PACRGL: variants seen among roughly 807,000 people sequenced by gnomAD.
The protein encoded by PACRGL is parkin coregulated like, also known as PACRG-like protein.
Under a neutral mutation model 34.5 loss-of-function variants are expected in PACRGL, and 38 were observed. The observed-to-expected ratio is 1.10, with a 90% CI of 0.85 to 1.44. The LOEUF (loss-of-function observed/expected upper bound fraction) is 1.44, where lower values mean the gene tolerates loss of function less well. Ranked by LOEUF, PACRGL falls within the 40% of genes most tolerant of loss-of-function variation. PACRGL has a pLI of 0.00. For synonymous variants in PACRGL, 128 were observed against 100.1 expected (o/e 1.28, Z -1.66); for missense variants, 305 against 281.4 (o/e 1.08, Z -0.60).
chr4:20,698,145 C>G (rs1731316418), upstream of PACRGL, among the ~76,000 whole-genome samples: 1 of 152,072 alleles, frequency 6.6e-6, no homozygotes, highest in African/African-American at 2.4e-5. Context: ...AACCAGAGGG[C>G]ACTGGAGCCT....
At chr4:20,740,368 A>G (rs934254682) in intron 8 of PACRGL, among the ~76,000 whole-genome samples, 2 of 152,194 alleles carry the variant, frequency 1.3e-5, no homozygotes, top group African/African-American at 4.8e-5. Context: ...CCATCAGACT[A>G]ACAGCGGAAC....
At position 20,728,441 on chromosome 4, in the gene PACRGL, T is replaced by TAATAGAAGC. The variant is rs1434885960; in HGVS notation, c.*1104_*1112dup. The TAATAGAAGC allele has an allele frequency of 2.0e-5, 3 of 152,214 alleles. No homozygotes were observed. The highest frequency in any genetic ancestry group is 4.4e-5 in the Non-Finnish European group (3 of 68,042). 9.4% of individuals were successfully genotyped at this position (152,214 alleles called of 1,614,324 possible). A position where few individuals can be genotyped will look rare whatever the true frequency, so the allele number is the denominator to read the frequency against. On this transcript the variant is annotated 3_prime_UTR_variant, in exon 9 of 9. Transcript: ENST00000503585. ...ATAGACATAGTTCAGAATTTTGATG[T>TAATAGAAGC]AATAGAAGCAATTCCCTCTGGCTAC...
intron 7 of PACRGL, among the ~76,000 whole-genome samples, chr4:20,722,831 G>T (rs1216838733): frequency 1.3e-5 from 2 of 152,154 alleles, no homozygotes; most frequent in African/African-American, 4.8e-5. Context: ...GTTCTATACC[G>T]CATACTGATA....
upstream of PACRGL, chr4:20,700,417 C>A (rs1260484510): frequency 6.6e-6 from 1 of 152,162 alleles, no homozygotes; most frequent in Non-Finnish European, 1.5e-5. Flanking sequence ...GACGTCATTG[C>A]GCGGCGCGAC....
chr4:20,715,800 G>C lies in PACRGL; in HGVS notation c.609+2261G>C, dbSNP rs367946722. Reference sequence around the variant, plus strand: ...GAATTGCTTGAACCTTGGAGGTGGAGGTTGTAGTGGGACAAGATTGTGACA... The same window carrying C: ...GAATTGCTTGAACCTTGGAGGTGGACGTTGTAGTGGGACAAGATTGTGACA... On this transcript the variant is annotated intron_variant, in intron 7 of 8. Transcript: ENST00000503585. Among the ~76,000 whole-genome samples, 10 of 152,246 alleles carry C rather than the reference G, an allele frequency of 6.6e-5. No homozygotes were observed. In the East Asian group the frequency reaches 9.7e-4, roughly 15 times the overall value.
Position 20,728,102 on chromosome 4 carries a change from T to TAATA in PACRGL, c.*762_*765dup, listed in dbSNP as rs1361214695. 1.3e-5 allele frequency: 2 copies of TAATA among 152,200 alleles called. No homozygotes were observed. Among genetic ancestry groups the TAATA allele is most frequent in the Non-Finnish European group, 2.9e-5 (2 of 68,042 alleles). The allele number at this position is 152,200 out of a possible 1,614,324, so 9.4% of individuals were successfully genotyped here. A position where few individuals can be genotyped will look rare whatever the true frequency, so the allele number is the denominator to read the frequency against. On this transcript the variant is annotated 3_prime_UTR_variant, in exon 9 of 9. Coordinates refer to ENST00000503585, the MANE Select transcript of PACRGL (RefSeq NM_001258345.3). ...ATGCCTGGCCCCATGAATACACTAC[T>TAATA]AATATTATTTGTAAATATGTATTTT...
chr4:20,701,133 CTGGAT>C (rs942580368), intron 1 of PACRGL, among the ~76,000 whole-genome samples: 21 of 152,116 alleles, frequency 1.4e-4, no homozygotes, highest in Non-Finnish European at 2.8e-4. Flanking sequence ...CTTTCTAGAC[CTGGAT>C]TAGAAAGCAG....
In PACRGL at chr4:20,728,323, A is replaced by ATT. The variant is rs765980870; in HGVS notation, c.*983_*984dup. The ATT allele has an allele frequency of 2.6e-5, 4 of 152,208 alleles. No homozygotes were observed. Among genetic ancestry groups the ATT allele is most frequent in the Non-Finnish European group, 5.9e-5 (4 of 68,046 alleles). The allele number at this position is 152,208 out of a possible 1,614,324, so 9.4% of individuals were successfully genotyped here. A position where few individuals can be genotyped will look rare whatever the true frequency, so the allele number is the denominator to read the frequency against. Reference sequence around the variant, plus strand: ...AAAATACTGATGTTCACTTAAAGATATTCAGCAATTAAAATGTTAAAACTT... The same window carrying ATT: ...AAAATACTGATGTTCACTTAAAGATATTTTCAGCAATTAAAATGTTAAAACTT... On this transcript the variant is annotated 3_prime_UTR_variant, in exon 9 of 9. Coordinates refer to ENST00000503585, the MANE Select transcript of PACRGL (RefSeq NM_001258345.3).
intron 7 of PACRGL, among the ~76,000 whole-genome samples, chr4:20,721,711 C>T (rs895624446): frequency 5.3e-5 from 8 of 152,134 alleles, no homozygotes; most frequent in Admixed American, 1.3e-4. Flanking sequence ...GGTACTCGGC[C>T]GTGTGAGGTG....
At chr4:20,708,611 C>T (rs1416206965) in intron 4 of PACRGL, among the ~76,000 whole-genome samples, 1 of 152,070 alleles carries the variant, frequency 6.6e-6, no homozygotes, top group Non-Finnish European at 1.5e-5. Flanking sequence ...TACTCCCCAC[C>T]CCTCCAAAAC....
At chr4:20,716,393 C>T (rs1402855069) in intron 7 of PACRGL, 1 of 572,504 alleles carries the variant, frequency 1.7e-6, no homozygotes, top group African/African-American at 1.9e-5. Context: ...TACATGTGCA[C>T]AACGTGCAGG....
At chr4:20,746,297 TCA>T (rs915883517) in intron 8 of PACRGL, among the ~76,000 whole-genome samples, 1 of 151,718 alleles carries the variant, frequency 6.6e-6, no homozygotes, top group African/African-American at 2.4e-5. Flanking sequence ...TTGCATGTTC[TCA>T]CTCATAGCTG....
In PACRGL at chr4:20,729,997, A is replaced by G; in HGVS notation, c.*2656A>G. ...ATATGCTTCAGTGTCAAGCTGAGCA[A>G]TCTATGCTAAAAGTGGTAGCTCCAA... On this transcript the variant is annotated 3_prime_UTR_variant, in exon 9 of 9. Coordinates refer to ENST00000503585, the MANE Select transcript of PACRGL (RefSeq NM_001258345.3). The G allele has an allele frequency of 4.8e-6, 7 of 1,467,562 alleles. No homozygotes were observed. In the East Asian group the frequency reaches 7.2e-5, roughly 15 times the overall value. 90.9% of individuals were successfully genotyped at this position (1,467,562 alleles called of 1,614,324 possible).
chr4:20,704,616 T>C (rs1228682521), intron 2 of PACRGL, 44 bp from the exon 3 acceptor site: 1 of 1,613,466 alleles, frequency 6.2e-7, no homozygotes, highest in Non-Finnish European at 8.5e-7. Context: ...GGGTGAACTT[T>C]ATTGCTTGTA....
At position 20,729,263 on chromosome 4, in the gene PACRGL, T is replaced by TGTC. The variant is rs1747102962; in HGVS notation, c.*1923_*1925dup. On this transcript the variant is annotated 3_prime_UTR_variant, in exon 9 of 9. Coordinates refer to ENST00000503585, the MANE Select transcript of PACRGL (RefSeq NM_001258345.3). ...GATAGATATCCTGACCCTTTGCATA[T>TGTC]GTCTGTAAACATCCTTGTTTTGTTT... The TGTC allele has an allele frequency of 6.6e-6, 1 of 152,066 alleles. No individual in the cohort carries two copies. Among genetic ancestry groups the TGTC allele is most frequent in the Non-Finnish European group, 1.5e-5 (1 of 67,988 alleles). 9.4% of individuals were successfully genotyped at this position (152,066 alleles called of 1,614,324 possible). A position where few individuals can be genotyped will look rare whatever the true frequency, so the allele number is the denominator to read the frequency against.
At chr4:20,751,305 T>G (rs1753577504) in intron 8 of PACRGL, among the ~76,000 whole-genome samples, 1 of 152,180 alleles carries the variant, frequency 6.6e-6, no homozygotes, top group Non-Finnish European at 1.5e-5. Context: ...CATCCAGTAT[T>G]GATACATTGC....
rs772472033 is a variant in PACRGL at position 20,709,760 on chromosome 4, T to C, written c.353T>C (p.Ile118Thr). ...AGTCTTTCATTTGATCCACTTCTTA[T>C]TACTTTAGCTGAGGTAAATATGCCA... ...PESLSFDPLL[I>T]TLAEGLRETK... The change falls in exon 5 of 9, where the codon ATT (isoleucine) becomes ACT (threonine). Residue 118 changes from isoleucine to threonine, a missense_variant. Coordinates refer to ENST00000503585, the MANE Select transcript of PACRGL (RefSeq NM_001258345.3). The C allele has an allele frequency of 5.0e-6, 8 of 1,599,540 alleles. No individual in the cohort carries two copies. The South Asian group carries it at 5.5e-5, about 11-fold the overall frequency.
At chr4:20,715,267 C>G (rs1201413707) in intron 7 of PACRGL, among the ~76,000 whole-genome samples, 1 of 151,742 alleles carries the variant, frequency 6.6e-6, no homozygotes, top group African/African-American at 2.4e-5. Flanking sequence ...TCTCTGGGGA[C>G]TGTTGTGGGG....
Position 20,724,789 on chromosome 4 carries a change from C to T in PACRGL, c.610-19C>T. Reference sequence around the variant, plus strand: ...TAAGTTTAAAGTCATTTCGTTTCCCCCTAATCTTACTTTAAAAGCTTTCCA... The same window carrying T: ...TAAGTTTAAAGTCATTTCGTTTCCCTCTAATCTTACTTTAAAAGCTTTCCA... On this transcript the variant is annotated intron_variant, in intron 7 of 8. Coordinates refer to ENST00000503585, the MANE Select transcript of PACRGL (RefSeq NM_001258345.3). 1.4e-6 allele frequency: 2 copies of T among 1,413,256 alleles called. No homozygotes were observed. The highest frequency in any genetic ancestry group is 1.5e-5 in the South Asian group (1 of 68,910). 87.5% of individuals were successfully genotyped at this position (1,413,256 alleles called of 1,614,324 possible).
Sources: allele counts gnomAD v4.1 joint callset (sites outside exome capture counted in the v4.1 genomes callset), GRCh38; gene constraint gnomAD v4.1.1; transcripts MANE v1.5; gene names NCBI Gene and HGNC (gene_info 2026-07-23, HGNC 2026-07-21).